The following PDE7A variants were observed in gnomAD, a reference collection of about 807,000 sequenced individuals.
PDE7A encodes high affinity 3',5'-cyclic-AMP phosphodiesterase 7A.
PDE7A carries 39 observed loss-of-function variants against 64.3 expected under a neutral mutation model. That is an observed-to-expected ratio of 0.61 (90% CI 0.47 to 0.79). The LOEUF (loss-of-function observed/expected upper bound fraction) is 0.79, where lower values mean the gene tolerates loss of function less well. PDE7A is among the 30% of genes least tolerant of loss of function. The pLI, the probability that PDE7A is intolerant of heterozygous loss-of-function variation, is 0.00. For missense variants in PDE7A, 470 were observed against 582.8 expected (o/e 0.81, Z 1.99); for synonymous variants, 203 against 206.8 (o/e 0.98, Z 0.16).
At chr8:65,771,254 C>G (rs75874147) in intron 3 of PDE7A, 1 of 152,760 alleles carries the variant, frequency 6.5e-6, no homozygotes, top group African/African-American at 2.4e-5. Context: ...TATAAAAAAT[C>G]TTAAAAGAAA....
chr8:65,838,254 G>A (rs927222777), intron 1 of PDE7A, among the ~76,000 whole-genome samples: 1 of 152,144 alleles, frequency 6.6e-6, no homozygotes, highest in Non-Finnish European at 1.5e-5. Context: ...AGATATGATG[G>A]TGAATAAGAC....
At chr8:65,730,744 A>G (rs1183790228) in intron 7 of PDE7A, among the ~76,000 whole-genome samples, 5 of 152,022 alleles carry the variant, frequency 3.3e-5, no homozygotes, top group Non-Finnish European at 5.9e-5. Flanking sequence ...CCTGGCCATC[A>G]TGGCAAAACC....
intron 7 of PDE7A, among the ~76,000 whole-genome samples, chr8:65,729,929 C>A (rs892555672): frequency 1.3e-5 from 2 of 151,956 alleles, no homozygotes; most frequent in African/African-American, 2.4e-5. Flanking sequence ...AAGAAATGAA[C>A]CTCCCACACA....
chr8:65,830,160 C>A (rs886677758), intron 1 of PDE7A, among the ~76,000 whole-genome samples: 2 of 152,024 alleles, frequency 1.3e-5, no homozygotes, highest in Non-Finnish European at 2.9e-5. Context: ...CTAAAAATAT[C>A]CAGGTGGACA....
intron 1 of PDE7A, among the ~76,000 whole-genome samples, chr8:65,804,064 A>G (rs183271138): frequency 1.3e-5 from 2 of 152,226 alleles, no homozygotes; most frequent in African/African-American, 4.8e-5. Context: ...TCTATATGAC[A>G]AAGGTTTAAA....
At chr8:65,835,802 T>C (rs1054170024) in intron 1 of PDE7A, among the ~76,000 whole-genome samples, 10 of 152,230 alleles carry the variant, frequency 6.6e-5, no homozygotes, top group African/African-American at 2.2e-4. Context: ...ACTCTAGGCA[T>C]AGCAACAAAG....
chr8:65,798,198 A>ATTTTTT (rs1374731657), intron 1 of PDE7A, among the ~76,000 whole-genome samples: 1 of 21,616 alleles, frequency 4.6e-5, no homozygotes, highest in Admixed American at 8.3e-4. Flanking sequence ...ATATATATAT[A>ATTTTTT]TATATATATT....
At chr8:65,756,232 C>T (rs1808234951) in intron 3 of PDE7A, among the ~76,000 whole-genome samples, 1 of 152,198 alleles carries the variant, frequency 6.6e-6, no homozygotes, top group African/African-American at 2.4e-5. Flanking sequence ...TATAGTGTGT[C>T]TCAGTGTGGA....
chr8:65,793,667 C>T (rs1809760873), intron 1 of PDE7A, among the ~76,000 whole-genome samples: 1 of 152,038 alleles, frequency 6.6e-6, no homozygotes, highest in Non-Finnish European at 1.5e-5. Context: ...TGATTACATG[C>T]ATATTTTAAT....
At chr8:65,753,799 G>A (rs1017072795) in intron 3 of PDE7A, among the ~76,000 whole-genome samples, 2 of 152,090 alleles carry the variant, frequency 1.3e-5, no homozygotes, top group African/African-American at 4.8e-5. Flanking sequence ...GAAATCCATT[G>A]TTAGATATAC....
At chr8:65,731,569 A>G (rs1210406298) in intron 7 of PDE7A, 1 of 152,216 alleles carries the variant, frequency 6.6e-6, no homozygotes, top group Non-Finnish European at 1.5e-5. Context: ...ACCAGTGTCA[A>G]TCAATCAAGG....
chr8:65,834,603 A>G (rs1018076766), intron 1 of PDE7A, among the ~76,000 whole-genome samples: 8 of 152,224 alleles, frequency 5.3e-5, no homozygotes, highest in African/African-American at 1.2e-4. Flanking sequence ...CAAAATTCTG[A>G]TAAGTAAAGC....
chr8:65,720,099 G>GTA (rs1806312225), intron 12 of PDE7A, among the ~76,000 whole-genome samples: 1 of 152,184 alleles, frequency 6.6e-6, no homozygotes, highest in Admixed American at 6.5e-5. Context: ...CAACAAATGT[G>GTA]TACCAGAGAC....
chr8:65,717,868 AAAAG>A lies in PDE7A; in HGVS notation c.*1418_*1421del, dbSNP rs1388859757. 4 of 152,356 alleles carry A rather than the reference AAAAG, an allele frequency of 2.6e-5. No homozygotes were observed. Among genetic ancestry groups the A allele is most frequent in the East Asian group, 1.9e-4 (1 of 5,194 alleles). The allele number at this position is 152,356 out of a possible 1,614,324, so 9.4% of individuals were successfully genotyped here. A position where few individuals can be genotyped will look rare whatever the true frequency, so the allele number is the denominator to read the frequency against. On this transcript the variant is annotated 3_prime_UTR_variant, in exon 13 of 13. Transcript: ENST00000401827. ...GTAACAAGGGAAATACAAATGAACT[AAAAG>A]AAAGCACCGGTTTCTCTTAAAACTA...
intron 7 of PDE7A, among the ~76,000 whole-genome samples, chr8:65,733,175 CA>C (rs1462624446): frequency 2.0e-5 from 3 of 152,108 alleles, no homozygotes; most frequent in Admixed American, 6.5e-5. Flanking sequence ...ACTCCACAGG[CA>C]AAAAGTGTTC....
At chr8:65,779,912 C>T (rs144356458) in intron 2 of PDE7A, 109 bp from the exon 3 acceptor site, 1 of 583,208 alleles carries the variant, frequency 1.7e-6, no homozygotes, top group East Asian at 3.0e-5. Context: ...TAACAGCCCA[C>T]TGATCATATA....
At chr8:65,825,305 A>C (rs1477239283) in intron 1 of PDE7A, among the ~76,000 whole-genome samples, 1 of 152,156 alleles carries the variant, frequency 6.6e-6, no homozygotes, top group Non-Finnish European at 1.5e-5. Flanking sequence ...AGCAAATATC[A>C]CCCAGTTCTT....
At chr8:65,840,824 A>C (rs971655445) in intron 1 of PDE7A, among the ~76,000 whole-genome samples, 2 of 152,246 alleles carry the variant, frequency 1.3e-5, no homozygotes, top group Non-Finnish European at 2.9e-5. Context: ...TCTGATACCC[A>C]GTACAGCCCA....
intron 1 of PDE7A, among the ~76,000 whole-genome samples, chr8:65,784,060 T>C (rs1809486033): frequency 6.6e-6 from 1 of 151,862 alleles, no homozygotes; most frequent in African/African-American, 2.4e-5. Flanking sequence ...TAAGTAGTAA[T>C]AGGCCAGGCA....
Sources: gnomAD v4.1 joint callset for allele counts (sites outside exome capture counted in the v4.1 genomes callset) on GRCh38, gnomAD v4.1.1 for gene constraint, MANE v1.5 for transcripts, NCBI Gene and HGNC (gene_info 2026-07-23, HGNC 2026-07-21) for gene names.